SECISBP2L: variants seen among roughly 807,000 people sequenced by gnomAD.
The protein encoded by SECISBP2L is SECIS binding protein 2 like, also known as selenocysteine insertion sequence-binding protein 2-like.
SECISBP2L carries 43 observed loss-of-function variants against 114.7 expected under a neutral mutation model. That is an observed-to-expected ratio of 0.38 (90% confidence interval 0.29 to 0.48). SECISBP2L has a LOEUF of 0.48. Ranked by LOEUF, SECISBP2L falls within the 20% of genes least tolerant of loss-of-function variation. The pLI is 0.98. For synonymous variants in SECISBP2L, 451 were observed against 439.7 expected, an observed-to-expected ratio of 1.03 and a Z score of -0.32; for missense variants, 1,136 against 1,301.1, an observed-to-expected ratio of 0.87 and a Z score of 1.95.
chr15:49,009,278 A>T lies in SECISBP2L; in HGVS notation c.1965T>A (p.Ser655=). 1 of 1,614,206 alleles carries T rather than the reference A, an allele frequency of 6.2e-7. No individual in the cohort carries two copies. The highest frequency in any genetic ancestry group is 8.5e-7 in the Non-Finnish European group (1 of 1,180,012). Residue 655 remains serine, a synonymous_variant, in exon 14 of 18, where the codon TCT becomes TCA. Coordinates refer to ENST00000559471, the MANE Select transcript of SECISBP2L (RefSeq NM_001193489.2). ...TPVSQGSPAS[S]GIGSPMASST... is the part of the protein sequence containing the mutation. The stretch of plus-strand genomic sequence containing the variant: ...AAGATGCCATTGGACTGCCTATTCC[A>T]GAACTAGCAGGAGAGCCTTGTGACA...
At chr15:49,012,843 T>G in intron 11 of SECISBP2L, 26 bp from the exon 12 acceptor site, 1 of 1,595,076 alleles carries the variant, frequency 6.3e-7, no homozygotes, top group South Asian at 1.1e-5. Context: ...AACATTAGTT[T>G]CACCATTAGG....
intron 14 of SECISBP2L, among the ~76,000 whole-genome samples, chr15:49,008,792 C>T (rs1902375010): frequency 6.6e-6 from 1 of 152,100 alleles, no homozygotes; most frequent in East Asian, 1.9e-4. Context: ...GAAATACTTG[C>T]ACAAATAGCT....
At chr15:49,021,828 A>G (rs1902644950) in intron 7 of SECISBP2L, among the ~76,000 whole-genome samples, 1 of 152,158 alleles carries the variant, frequency 6.6e-6, no homozygotes, top group South Asian at 2.1e-4. Flanking sequence ...GTACTCCAAT[A>G]AACTCATGAA....
At chr15:49,037,457 C>T in intron 2 of SECISBP2L, 134 bp downstream of exon 2, 2 of 741,188 alleles carry the variant, frequency 2.7e-6, no homozygotes, top group East Asian at 2.8e-5. Flanking sequence ...TTCCAAATTT[C>T]AGTATCATTT....
Position 48,992,311 on chromosome 15 carries a change from T to A in SECISBP2L, c.3239A>T (p.Lys1080Met). 1 of 1,613,848 alleles carries A rather than the reference T, an allele frequency of 6.2e-7. No homozygotes were observed. Among genetic ancestry groups the A allele is most frequent in the Non-Finnish European group, 8.5e-7 (1 of 1,179,876 alleles). The stretch of plus-strand genomic sequence containing the variant: ...GTTGAGCGAGCTGCAGTTGCTGGAC[T>A]TCTGCTGCCCAGGACTGGCCTGCTG... ...ADQQASPGQQ[K>M]SSNCSSLNKE... The change falls in exon 18 of 18, where the codon AAG (lysine) becomes ATG (methionine). Residue 1080 changes from lysine to methionine, a missense_variant. By Grantham distance (95) the Lys-to-Met change is moderately conservative. Transcript: ENST00000559471.
chr15:49,031,135 G>A (rs911506215), intron 4 of SECISBP2L, among the ~76,000 whole-genome samples: 13 of 130,220 alleles, frequency 1.0e-4, no homozygotes, highest in East Asian at 2.6e-4. Context: ...TGCAACCTCC[G>A]CCTACCAGGT....
chr15:49,036,409 G>A (rs1252669495), intron 2 of SECISBP2L, among the ~76,000 whole-genome samples: 1 of 152,090 alleles, frequency 6.6e-6, no homozygotes, highest in Non-Finnish European at 1.5e-5. Context: ...CCATGACAAA[G>A]CAAAATAGTA....
chr15:49,045,563 G>A (rs1022822172), intron 1 of SECISBP2L, among the ~76,000 whole-genome samples: 3 of 152,062 alleles, frequency 2.0e-5, no homozygotes, highest in Non-Finnish European at 2.9e-5. Context: ...CCACCTACTA[G>A]CATGCATAAT....
chr15:49,024,139 A>T (rs1053762452), intron 7 of SECISBP2L, among the ~76,000 whole-genome samples: 2 of 152,192 alleles, frequency 1.3e-5, no homozygotes, highest in African/African-American at 2.4e-5. Context: ...CTGTAATTAA[A>T]CAGCATGGTA....
At chr15:49,028,190 C>A in intron 5 of SECISBP2L, 22 bp from the exon 6 acceptor site, 1 of 1,563,204 alleles carries the variant, frequency 6.4e-7, no homozygotes, top group Non-Finnish European at 8.7e-7. Flanking sequence ...AACAAAAAGA[C>A]AATTATACTC....
Position 49,011,601 on chromosome 15 carries a change from A to G in SECISBP2L, c.1864+130T>C, listed in dbSNP as rs143214308. 57 of 1,093,602 alleles carry G rather than the reference A, an allele frequency of 5.2e-5. No homozygotes were observed. In the African/African-American group the frequency reaches 8.9e-4, roughly 17 times the overall value. The allele number at this position is 1,093,602 out of a possible 1,614,324, so 67.7% of individuals were successfully genotyped here. ...GCATCTTTAAAAGAAACCACTCTGA[A>G]GAATAAAGAGATTTATGTAAAATAT... On this transcript the variant is annotated intron_variant, in intron 13 of 17. Coordinates refer to ENST00000559471, the MANE Select transcript of SECISBP2L (RefSeq NM_001193489.2).
chr15:49,035,430 G>A lies in SECISBP2L; in HGVS notation c.432C>T (p.Thr144=), dbSNP rs995823721. 1 of 1,614,186 alleles carries A rather than the reference G, an allele frequency of 6.2e-7. No individual in the cohort carries two copies. Among genetic ancestry groups the A allele is most frequent in the African/African-American group, 1.3e-5 (1 of 75,042 alleles). ...GACTTGGACGCTCAGTGCATTCTGT[G>A]GTGATAGCATTTACAGTATTTGCAG... The part of the protein sequence containing the change: ...FQAANTVNAI[T]TECTERPSQL... The change falls in exon 3 of 18, where the codon ACC becomes ACT. Residue 144 remains threonine (T), a synonymous_variant. Coordinates refer to ENST00000559471, the MANE Select transcript of SECISBP2L (RefSeq NM_001193489.2).
At chr15:49,005,302 C>G (rs949319951) in intron 14 of SECISBP2L, among the ~76,000 whole-genome samples, 2 of 150,738 alleles carry the variant, frequency 1.3e-5, no homozygotes, top group African/African-American at 4.8e-5. Flanking sequence ...TGCACTCCAG[C>G]CTGGGTGACA....
At position 49,016,984 on chromosome 15, in the gene SECISBP2L, T is replaced by C. The variant is rs1379418192; in HGVS notation, c.1283A>G (p.Asn428Ser). ...LDDLPENSPI[N>S]IVQTPIPITT... ...AATAGGAATTGGAGTCTGAACTATA[T>C]TGATTGGTGAGTTTTCAGGTAAATC... Residue 428 changes from asparagine (N) to serine (S), a missense_variant, in exon 10 of 18, where the codon AAT (asparagine) becomes AGT (serine). Physicochemically the swap from Asn to Ser is conservative, Grantham distance 46. Coordinates refer to ENST00000559471, the MANE Select transcript of SECISBP2L (RefSeq NM_001193489.2). The C allele has an allele frequency of 6.2e-6, 10 of 1,613,254 alleles. No homozygotes were observed. Among genetic ancestry groups the C allele is most frequent in the African/African-American group, 1.3e-5 (1 of 75,000 alleles).
At chr15:49,035,679 A>G (rs776997568) in intron 2 of SECISBP2L, 21 bp from the exon 3 acceptor site, 92 of 1,583,208 alleles carry the variant, frequency 5.8e-5, no homozygotes, top group Non-Finnish European at 7.6e-5. Flanking sequence ...AAATCAAAGA[A>G]GAACAAATCT....
At position 49,032,922 on chromosome 15, in the gene SECISBP2L, C is replaced by G. The variant is rs1355418050; in HGVS notation, c.664+43G>C. 5 of 1,599,028 alleles carry G rather than the reference C, an allele frequency of 3.1e-6. No homozygotes were observed. In the African/African-American group the frequency reaches 6.8e-5, roughly 22 times the overall value. On this transcript the variant is annotated intron_variant, in intron 4 of 17. Coordinates refer to ENST00000559471, the MANE Select transcript of SECISBP2L (RefSeq NM_001193489.2). ...CAATTATAAAGTGAATGAATGAAAACAGATAAAAATCAGTGACGCACATGT... is the reference window on the plus strand; with the variant it reads ...CAATTATAAAGTGAATGAATGAAAAGAGATAAAAATCAGTGACGCACATGT...
In SECISBP2L at chr15:48,992,502, T is replaced by C; in HGVS notation, c.3048A>G (p.Arg1016=). Residue 1016 remains arginine, a synonymous_variant, in exon 18 of 18, where the codon AGA becomes AGG. Coordinates refer to ENST00000559471, the MANE Select transcript of SECISBP2L (RefSeq NM_001193489.2). ...PISVEVQLNS[R]IESWVSETQR... ...GGGTCTCTGAGACCCAAGACTCAAT[T>C]CTACTATTGAGCTGCACTTCTACAG... The C allele has an allele frequency of 6.2e-7, 1 of 1,614,230 alleles. No individual in the cohort carries two copies. Among genetic ancestry groups the C allele is most frequent in the Non-Finnish European group, 8.5e-7 (1 of 1,180,032 alleles).
intron 7 of SECISBP2L, among the ~76,000 whole-genome samples, chr15:49,023,369 T>C (rs2141076141): frequency 6.6e-6 from 1 of 152,262 alleles, no homozygotes; most frequent in Middle Eastern, 3.4e-3. Context: ...TCAACTACAT[T>C]AAGACATAAT....
chr15:48,992,987 T>C (rs1902016276), intron 17 of SECISBP2L, 61 bp from the exon 18 acceptor site: 1 of 1,374,138 alleles, frequency 7.3e-7, no homozygotes, highest in Non-Finnish European at 1.0e-6. Context: ...ATGCAACTCT[T>C]TAAAAACCCC....
Sources: allele counts gnomAD v4.1 joint callset (sites outside exome capture counted in the v4.1 genomes callset), GRCh38; gene constraint gnomAD v4.1.1; transcripts MANE v1.5; gene names NCBI Gene and HGNC (gene_info 2026-07-23, HGNC 2026-07-21).